The following FHIT variants were observed in gnomAD, a reference collection of about 807,000 sequenced individuals.
The protein encoded by FHIT is fragile histidine triad diadenosine triphosphatase.
FHIT carries 19 observed loss-of-function variants against 17.9 expected under a neutral mutation model. The observed-to-expected ratio is 1.06, with a 90% CI of 0.74 to 1.56. The LOEUF is 1.56. Among genes scored for constraint, FHIT ranks in the 40% most tolerant of loss-of-function variants. FHIT has a pLI of 0.00. For missense variants in FHIT, 248 were observed against 189.2 expected, an observed-to-expected ratio of 1.31 and a Z score of -1.82; for synonymous variants, 81 against 69.7, an observed-to-expected ratio of 1.16 and a Z score of -0.81.
At chr3:60,588,623 C>T (rs373120508) in intron 4 of FHIT, among the ~76,000 whole-genome samples, 161 of 152,124 alleles carry the variant, frequency 1.1e-3, no homozygotes, top group African/African-American at 3.8e-3. Flanking sequence ...TGCATTTGCA[C>T]ACACTCCTCT....
intron 3 of FHIT, among the ~76,000 whole-genome samples, chr3:60,846,846 T>G (rs1246659334): frequency 6.6e-6 from 1 of 152,016 alleles, no homozygotes; most frequent in Non-Finnish European, 1.5e-5. Flanking sequence ...TTCTTTGAGA[T>G]GGAGTCTTGC....
chr3:60,784,520 G>C (rs1700499308), intron 4 of FHIT, among the ~76,000 whole-genome samples: 1 of 152,068 alleles, frequency 6.6e-6, no homozygotes, highest in Admixed American at 6.6e-5. Context: ...CCTTTTAGTA[G>C]AGATGGGGTT....
At chr3:60,962,579 C>T (rs1709511236) in intron 3 of FHIT, among the ~76,000 whole-genome samples, 1 of 152,144 alleles carries the variant, frequency 6.6e-6, no homozygotes, top group African/African-American at 2.4e-5. Flanking sequence ...TCATAGATAG[C>T]TTGCATTATT....
chr3:60,395,563 AG>A (rs1349984973), intron 5 of FHIT, among the ~76,000 whole-genome samples: 4 of 152,200 alleles, frequency 2.6e-5, no homozygotes, highest in Non-Finnish European at 5.9e-5. Flanking sequence ...CTGAGGAAGA[AG>A]GTAACGAGTT....
At chr3:60,102,122 T>C (rs996653197) in intron 5 of FHIT, among the ~76,000 whole-genome samples, 1 of 152,206 alleles carries the variant, frequency 6.6e-6, no homozygotes, top group Non-Finnish European at 1.5e-5. Context: ...ACCTTTATCT[T>C]CAATACAATA....
intron 3 of FHIT, among the ~76,000 whole-genome samples, chr3:60,829,076 T>C (rs1473701006): frequency 2.0e-5 from 3 of 152,136 alleles, no homozygotes; most frequent in African/African-American, 7.2e-5. Context: ...TCAAAAGTCA[T>C]TGCAAAATGA....
intron 5 of FHIT, among the ~76,000 whole-genome samples, chr3:60,531,835 C>T (rs1452947206): frequency 6.6e-6 from 1 of 152,196 alleles, no homozygotes; most frequent in Non-Finnish European, 1.5e-5. Context: ...GGAAACTTAA[C>T]ATTGCTCTTT....
intron 7 of FHIT, among the ~76,000 whole-genome samples, chr3:59,947,803 T>A (rs1303082142): frequency 6.6e-6 from 1 of 152,214 alleles, no homozygotes; most frequent in Non-Finnish European, 1.5e-5. Context: ...GGCAGCAGGA[T>A]CCATGCTTAC....
At chr3:60,185,930 G>T (rs1327228424) in intron 5 of FHIT, among the ~76,000 whole-genome samples, 1 of 152,070 alleles carries the variant, frequency 6.6e-6, no homozygotes, top group Non-Finnish European at 1.5e-5. Flanking sequence ...TCATATGTAC[G>T]TTTTCCATCT....
At chr3:61,052,380 C>T (rs565019436) in intron 2 of FHIT, among the ~76,000 whole-genome samples, 19 of 152,044 alleles carry the variant, frequency 1.2e-4, no homozygotes, top group Non-Finnish European at 2.4e-4. Flanking sequence ...GTTCGACAGC[C>T]GGTAAATAGC....
At chr3:60,070,062 C>G (rs2630182) in intron 5 of FHIT, among the ~76,000 whole-genome samples, 12,535 of 152,174 alleles carry the variant, frequency 0.082, 581 homozygotes, top group African/African-American at 0.12. Context: ...TCCCTATTGC[C>G]TCCATTCCCT....
intron 8 of FHIT, among the ~76,000 whole-genome samples, chr3:59,848,438 A>G (rs1701803899): frequency 6.6e-6 from 1 of 152,184 alleles, no homozygotes; most frequent in Non-Finnish European, 1.5e-5. Flanking sequence ...TGCCAAAAAG[A>G]TTTAAAAAAA....
chr3:59,803,165 C>T (rs554054828), intron 8 of FHIT, among the ~76,000 whole-genome samples: 1 of 152,150 alleles, frequency 6.6e-6, no homozygotes, highest in Non-Finnish European at 1.5e-5. Flanking sequence ...AAACACATCT[C>T]CTTCCCTCCC....
At chr3:60,253,070 G>C (rs1013215614) in intron 5 of FHIT, among the ~76,000 whole-genome samples, 7 of 152,128 alleles carry the variant, frequency 4.6e-5, no homozygotes, top group Non-Finnish European at 4.4e-5. Flanking sequence ...GCCTCATCGA[G>C]TTTCTACTGT....
At chr3:60,556,749 G>A (rs995812063) in intron 4 of FHIT, among the ~76,000 whole-genome samples, 2 of 152,250 alleles carry the variant, frequency 1.3e-5, no homozygotes, top group African/African-American at 4.8e-5. Context: ...TGGTAGAGAA[G>A]AGGAGCAGTG....
At chr3:61,220,499 T>G (rs866579519) in intron 1 of FHIT, among the ~76,000 whole-genome samples, 3 of 152,240 alleles carry the variant, frequency 2.0e-5, no homozygotes, top group Non-Finnish European at 4.4e-5. Flanking sequence ...TCAGAATTTC[T>G]GAAACTCAGA....
At position 60,374,955 on chromosome 3, in the gene FHIT, A is replaced by G. The variant is rs184214764; in HGVS notation, c.103+161905T>C. On this transcript the variant is annotated intron_variant, in intron 5 of 9. Transcript: ENST00000492590. ...AACAGGCCAAGTTAATGCACATGAT[A>G]AAGAGTTGAGTCAGGGAAGGTTTCT... Among the ~76,000 whole-genome samples, 5 of 152,256 alleles carry G rather than the reference A, an allele frequency of 3.3e-5. No homozygotes were observed. The East Asian group carries it at 9.7e-4, about 29-fold the overall frequency.
intron 2 of FHIT, among the ~76,000 whole-genome samples, chr3:61,150,337 T>C (rs921066048): frequency 6.6e-6 from 1 of 152,106 alleles, no homozygotes; most frequent in East Asian, 1.9e-4. Context: ...CTATGTTCCT[T>C]CTTTTTTAAG....
At chr3:60,875,900 T>C (rs1256004381) in intron 3 of FHIT, among the ~76,000 whole-genome samples, 3 of 149,218 alleles carry the variant, frequency 2.0e-5, no homozygotes, top group Non-Finnish European at 4.4e-5. Context: ...GGGTGTCAAT[T>C]TTTAGCTAAG....
Sources: allele counts gnomAD v4.1 joint callset (sites outside exome capture counted in the v4.1 genomes callset), GRCh38; gene constraint gnomAD v4.1.1; transcripts MANE v1.5; gene names NCBI Gene and HGNC (gene_info 2026-07-23, HGNC 2026-07-21).